The following PAPSS2 variants were observed in gnomAD, a reference collection of about 807,000 sequenced individuals.
The protein encoded by PAPSS2 is bifunctional 3'-phosphoadenosine 5'-phosphosulfate synthase 2.
Under a neutral mutation model 66.5 loss-of-function variants are expected in PAPSS2, and 61 were observed. The ratio of observed to expected loss-of-function variants is 0.92; its 90% CI spans 0.75 to 1.14. The LOEUF is 1.14. Ranked by LOEUF, PAPSS2 falls within the 50% of genes most tolerant of loss-of-function variation. The pLI, the probability that PAPSS2 is intolerant of heterozygous loss-of-function variation, is 0.00. For missense variants in PAPSS2, 708 were observed against 789.6 expected (o/e 0.90, Z 1.24); for synonymous variants, 289 against 287.5 (o/e 1.01, Z -0.05).
intron 2 of PAPSS2, among the ~76,000 whole-genome samples, chr10:87,712,406 T>C (rs1465702619): frequency 1.3e-5 from 2 of 152,170 alleles, no homozygotes; most frequent in Non-Finnish European, 2.9e-5. Context: ...TGTCACCACA[T>C]CTTTTGATTT....
At chr10:87,698,841 C>G (rs1853267429) in intron 1 of PAPSS2, among the ~76,000 whole-genome samples, 1 of 152,152 alleles carries the variant, frequency 6.6e-6, no homozygotes, top group Non-Finnish European at 1.5e-5. Flanking sequence ...GGCAACATAG[C>G]AAGACCTCGT....
At chr10:87,722,121 A>AT (rs997046146) in intron 8 of PAPSS2, among the ~76,000 whole-genome samples, 1 of 152,086 alleles carries the variant, frequency 6.6e-6, no homozygotes, top group South Asian at 2.1e-4. Context: ...AAAGCTGGAA[A>AT]TTTTTTTTCC....
In PAPSS2 at chr10:87,709,280, G is replaced by T. The variant is rs561701863; in HGVS notation, c.112G>T (p.Gly38Cys). The T allele has an allele frequency of 6.2e-7, 1 of 1,612,092 alleles. No individual in the cohort carries two copies. Among genetic ancestry groups the T allele is most frequent in the African/African-American group, 1.3e-5 (1 of 74,912 alleles). Residue 38 changes from glycine (G) to cysteine (C), a missense_variant, in exon 2 of 13, where the codon GGT becomes TGT. Coordinates refer to ENST00000456849, the MANE Select transcript of PAPSS2 (RefSeq NM_001015880.2). ...NKRGQVVGTR[G>C]GFRGCTVWLT... ...GAGAGGGCAAGTGGTTGGAACAAGGGGTGGGTTCCGAGGATGTACCGTGTG... is the reference window on the plus strand; with the variant it reads ...GAGAGGGCAAGTGGTTGGAACAAGGTGTGGGTTCCGAGGATGTACCGTGTG...
In PAPSS2 at chr10:87,714,242, T is replaced by C. The variant is rs373307421; in HGVS notation, c.520+60T>C. On this transcript the variant is annotated intron_variant, in intron 4 of 12. Transcript: ENST00000456849. The stretch of plus-strand genomic sequence containing the variant: ...ATAGGCTGTCAGTCCTCAGTCCTTA[T>C]TCTGTCCTCAGAAATCTTCCTTGAG... 11 of 1,571,218 alleles carry C rather than the reference T, an allele frequency of 7.0e-6. No individual in the cohort carries two copies. In the African/African-American group the frequency reaches 8.1e-5, roughly 12 times the overall value.
chr10:87,675,480 G>A (rs1464969524), intron 1 of PAPSS2, among the ~76,000 whole-genome samples: 1 of 152,042 alleles, frequency 6.6e-6, no homozygotes, highest in East Asian at 1.9e-4. Flanking sequence ...GTCTTGAGTG[G>A]TTTTGTTGCT....
intron 1 of PAPSS2, among the ~76,000 whole-genome samples, chr10:87,690,505 G>A (rs548905261): frequency 2.0e-5 from 3 of 152,298 alleles, no homozygotes; most frequent in African/African-American, 4.8e-5. Flanking sequence ...ACCTGCTTGT[G>A]TATATATCTT....
At chr10:87,714,684 T>A in intron 4 of PAPSS2, 61 bp from the exon 5 acceptor site, 1 of 1,001,426 alleles carries the variant, frequency 1.0e-6, no homozygotes, top group Non-Finnish European at 1.6e-6. Context: ...TTTTGCCTTA[T>A]TGATTAAAAA....
At chr10:87,724,196 G>A (rs1411203778) in intron 8 of PAPSS2, among the ~76,000 whole-genome samples, 1 of 150,662 alleles carries the variant, frequency 6.6e-6, no homozygotes, top group East Asian at 1.9e-4. Context: ...ATCCCTTTAA[G>A]CCCCAGACTG....
intron 1 of PAPSS2, among the ~76,000 whole-genome samples, chr10:87,697,195 G>A (rs1853245076): frequency 6.6e-6 from 1 of 152,106 alleles, no homozygotes; most frequent in African/African-American, 2.4e-5. Context: ...AGTTTGTGTG[G>A]TGTTTTCTGG....
chr10:87,684,417 G>A (rs1853062528), intron 1 of PAPSS2, among the ~76,000 whole-genome samples: 1 of 152,198 alleles, frequency 6.6e-6, no homozygotes, highest in African/African-American at 2.4e-5. Context: ...AATGCTTTGT[G>A]TAAGTCTTCA....
intron 9 of PAPSS2, among the ~76,000 whole-genome samples, chr10:87,732,043 A>T (rs58593384): frequency 6.6e-6 from 1 of 152,176 alleles, no homozygotes; most frequent in Non-Finnish European, 1.5e-5. Context: ...GAAATCTTTC[A>T]TGAAAGAAAG....
rs112084519 is a variant in PAPSS2, at chr10:87,664,890, T to C, written c.27+4882T>C. On this transcript the variant is annotated intron_variant, in intron 1 of 12. Transcript: ENST00000456849. ...CATATGACACTTGGAACAGCTTATATGCCCAGCACCTGACAGTGATCCTGG... is the reference window on the plus strand; with the variant it reads ...CATATGACACTTGGAACAGCTTATACGCCCAGCACCTGACAGTGATCCTGG... Among the ~76,000 whole-genome samples, 481 of 152,362 alleles carry C rather than the reference T, an allele frequency of 3.2e-3. 1 individual carries two copies. Among genetic ancestry groups the C allele is most frequent in the African/African-American group, 0.011 (464 of 41,592 alleles).
At chr10:87,709,985 A>G (rs1005205675) in intron 2 of PAPSS2, among the ~76,000 whole-genome samples, 3 of 152,190 alleles carry the variant, frequency 2.0e-5, no homozygotes, top group African/African-American at 7.2e-5. Flanking sequence ...CCTGACTCCC[A>G]ATAGCTGGCC....
chr10:87,685,797 G>A (rs1853080924), intron 1 of PAPSS2, among the ~76,000 whole-genome samples: 1 of 152,188 alleles, frequency 6.6e-6, no homozygotes. Flanking sequence ...CTAGCCTTGT[G>A]TCAGGAGCCC....
At chr10:87,729,990 G>A (rs537668094) in intron 9 of PAPSS2, among the ~76,000 whole-genome samples, 6 of 152,142 alleles carry the variant, frequency 3.9e-5, no homozygotes, top group South Asian at 4.1e-4. Flanking sequence ...GCGATACTCC[G>A]TCTCAAAAAA....
intron 1 of PAPSS2, among the ~76,000 whole-genome samples, chr10:87,673,640 T>C (rs1401845609): frequency 1.3e-5 from 2 of 150,504 alleles, no homozygotes; most frequent in Non-Finnish European, 3.0e-5. Flanking sequence ...ATCCAGGTTT[T>C]CCCCCTCAAG....
At chr10:87,668,919 T>A (rs1020282668) in intron 1 of PAPSS2, among the ~76,000 whole-genome samples, 7 of 152,210 alleles carry the variant, frequency 4.6e-5, no homozygotes, top group South Asian at 4.1e-4. Context: ...CCCTGCCTAT[T>A]TTCTACAGCT....
intron 1 of PAPSS2, among the ~76,000 whole-genome samples, chr10:87,698,753 G>A (rs751887443): frequency 6.6e-6 from 1 of 152,100 alleles, no homozygotes; most frequent in South Asian, 2.1e-4. Flanking sequence ...TCTCATGGAG[G>A]TGCACATCTG....
intron 9 of PAPSS2, among the ~76,000 whole-genome samples, chr10:87,735,960 T>A (rs1853793519): frequency 6.6e-6 from 1 of 152,206 alleles, no homozygotes; most frequent in African/African-American, 2.4e-5. Flanking sequence ...ACTATCTTCG[T>A]GTCTTCCTAC....
Sources: allele counts gnomAD v4.1 joint callset (sites outside exome capture counted in the v4.1 genomes callset), GRCh38; gene constraint gnomAD v4.1.1; transcripts MANE v1.5; gene names NCBI Gene and HGNC (gene_info 2026-07-23, HGNC 2026-07-21).